The following AGMO variants were observed in gnomAD, a reference collection of about 807,000 sequenced individuals.
AGMO encodes glyceryl-ether monooxygenase.
In AGMO, 75 loss-of-function variants were observed where a neutral mutation model predicts 60.2. The ratio of observed to expected loss-of-function variants is 1.25; its 90% CI spans 1.03 to 1.51. The LOEUF is 1.51. Among genes scored for constraint, AGMO ranks in the 40% most tolerant of loss-of-function variants. The probability of loss-of-function intolerance (pLI) is 0.00; values close to 1 mark genes in which losing one functional copy is unlikely to be tolerated. For missense variants in AGMO, 763 were observed against 525.5 expected (o/e 1.45, Z -4.42); for synonymous variants, 261 against 177.1 (o/e 1.47, Z -3.76).
the AGMO span, among the ~76,000 whole-genome samples, chr7:15,173,106 A>G: frequency 6.6e-6 from 1 of 152,180 alleles, no homozygotes; most frequent in Admixed American, 6.6e-5. Flanking sequence ...TCTATTGAAT[A>G]CATTTATTGA....
At chr7:15,359,186 G>C (rs541938812) in intron 12 of AGMO, among the ~76,000 whole-genome samples, 1 of 151,576 alleles carries the variant, frequency 6.6e-6, no homozygotes, top group Non-Finnish European at 1.5e-5. Context: ...CTACTCGGGA[G>C]GCTGAGGCAG....
Position 15,202,458 on chromosome 7 carries a change from C to CAAAAAAAAAAAAAAAAAAAAAAAAAAAAA in AGMO, c.1264-1128_1264-1100dup, listed in dbSNP as rs71004370. Among the ~76,000 whole-genome samples, 23 of 45,368 alleles carry CAAAAAAAAAAAAAAAAAAAAAAAAAAAAA rather than the reference C, an allele frequency of 5.1e-4. 2 individuals carry two copies. The highest frequency in any genetic ancestry group is 2.2e-3 in the East Asian group (2 of 914). The allele number at this position is 45,368 out of a possible 152,430, so 29.8% of individuals were successfully genotyped here. On this transcript the variant is annotated intron_variant, in intron 12 of 12. Transcript: ENST00000342526. ...CACCAACAACCAAAATACAAATGAG[C>CAAAAAAAAAAAAAAAAAAAAAAAAAAAAA]AAAAAAAAAAAAAAAAAAAAAAAAA... is the stretch of plus-strand genomic sequence containing the variant.
At chr7:15,146,450 C>A in the AGMO span, among the ~76,000 whole-genome samples, 1 of 151,118 alleles carries the variant, frequency 6.6e-6, no homozygotes, top group African/African-American at 2.4e-5. Context: ...GTAACTTAAT[C>A]ATTTCCTAGG....
the AGMO span, among the ~76,000 whole-genome samples, chr7:15,142,354 C>T: frequency 4.3e-4 from 66 of 152,226 alleles, no homozygotes; most frequent in Admixed American, 7.2e-4. Flanking sequence ...GACCCACCAA[C>T]TTATGAACCA....
intron 10 of AGMO, among the ~76,000 whole-genome samples, chr7:15,375,386 A>ATTTTT (rs71004377): frequency 2.7e-5 from 3 of 109,452 alleles, no homozygotes; most frequent in African/African-American, 3.8e-5. Flanking sequence ...TTCTAAAAGG[A>ATTTTT]TTTTTTTTTT....
chr7:15,171,215 T>G, the AGMO span, among the ~76,000 whole-genome samples: 1 of 152,110 alleles, frequency 6.6e-6, no homozygotes, highest in Non-Finnish European at 1.5e-5. Flanking sequence ...TCTCCTGACC[T>G]CGTGATCCAC....
chr7:15,359,487 T>C (rs558483470), intron 12 of AGMO, among the ~76,000 whole-genome samples: 5 of 152,276 alleles, frequency 3.3e-5, no homozygotes, highest in African/African-American at 1.2e-4. Context: ...AATATAAACA[T>C]TGAGAAGAGT....
intron 12 of AGMO, among the ~76,000 whole-genome samples, chr7:15,226,731 C>G (rs1782094138): frequency 6.6e-6 from 1 of 152,086 alleles, no homozygotes; most frequent in South Asian, 2.1e-4. Flanking sequence ...ACAGTACATT[C>G]AATTATTGTC....
At chr7:15,327,444 G>A (rs1583412543) in intron 12 of AGMO, among the ~76,000 whole-genome samples, 1 of 152,138 alleles carries the variant, frequency 6.6e-6, no homozygotes. Context: ...CTGAGTCTCA[G>A]ACATCTTTCT....
intron 3 of AGMO, among the ~76,000 whole-genome samples, chr7:15,462,940 G>T (rs537325112): frequency 6.6e-6 from 1 of 152,096 alleles, no homozygotes; most frequent in Non-Finnish European, 1.5e-5. Flanking sequence ...GCTACACAAC[G>T]TCAGGTTGTT....
At chr7:15,360,459 T>C (rs1039332072) in intron 12 of AGMO, among the ~76,000 whole-genome samples, 4 of 152,208 alleles carry the variant, frequency 2.6e-5, no homozygotes, top group Admixed American at 6.5e-5. Context: ...GTATGCTGAA[T>C]GTATGATACA....
chr7:15,469,551 G>A (rs1420975595), intron 3 of AGMO, among the ~76,000 whole-genome samples: 3 of 152,204 alleles, frequency 2.0e-5, no homozygotes, highest in African/African-American at 4.8e-5. Flanking sequence ...TGTTCCTCAC[G>A]CCCCATGGCA....
intron 10 of AGMO, among the ~76,000 whole-genome samples, chr7:15,371,882 CTAAAT>C (rs1783231652): frequency 6.6e-6 from 1 of 151,504 alleles, no homozygotes; most frequent in Admixed American, 6.6e-5. Context: ...ATAAATTCAA[CTAAAT>C]TATTCAATCA....
At chr7:15,267,007 A>G (rs532636269) in intron 12 of AGMO, among the ~76,000 whole-genome samples, 1 of 152,144 alleles carries the variant, frequency 6.6e-6, no homozygotes, top group South Asian at 2.1e-4. Flanking sequence ...ATGGCCACTT[A>G]GTGGAAGAGA....
intron 3 of AGMO, among the ~76,000 whole-genome samples, chr7:15,506,020 T>A (rs73294314): frequency 6.6e-6 from 1 of 152,110 alleles, no homozygotes; most frequent in African/African-American, 2.4e-5. Context: ...AAATACAATT[T>A]TGATCTCATA....
chr7:15,373,499 ATTC>A (rs918885319), intron 10 of AGMO, among the ~76,000 whole-genome samples: 8 of 152,164 alleles, frequency 5.3e-5, no homozygotes, highest in African/African-American at 1.4e-4. Flanking sequence ...ATGTGTGGGA[ATTC>A]TTCTTTTGCC....
chr7:15,469,722 G>T (rs1782395225), intron 3 of AGMO, among the ~76,000 whole-genome samples: 1 of 152,124 alleles, frequency 6.6e-6, no homozygotes, highest in African/African-American at 2.4e-5. Flanking sequence ...AGATGGTGAT[G>T]ATATTAAAGG....
At chr7:15,509,920 G>A (rs1419674555) in intron 3 of AGMO, among the ~76,000 whole-genome samples, 1 of 152,150 alleles carries the variant, frequency 6.6e-6, no homozygotes, top group Non-Finnish European at 1.5e-5. Flanking sequence ...TAGATAACAA[G>A]TATTGGGGCG....
chr7:15,369,800 T>C (rs1260185908), intron 10 of AGMO, among the ~76,000 whole-genome samples: 1 of 152,168 alleles, frequency 6.6e-6, no homozygotes, highest in Non-Finnish European at 1.5e-5. Flanking sequence ...TCAATATGTT[T>C]ATTGAAAGAC....
Sources: gnomAD v4.1 joint callset for allele counts (sites outside exome capture counted in the v4.1 genomes callset) on GRCh38, gnomAD v4.1.1 for gene constraint, MANE v1.5 for transcripts, NCBI Gene and HGNC (gene_info 2026-07-23, HGNC 2026-07-21) for gene names.